The following EML4 variants were observed in gnomAD, a reference collection of about 807,000 sequenced individuals.
The protein encoded by EML4 is echinoderm microtubule-associated protein-like 4.
EML4 carries 72 observed loss-of-function variants against 129.0 expected under a neutral mutation model. That is an observed-to-expected ratio of 0.56 (90% confidence interval 0.46 to 0.68). The LOEUF is 0.68. Among genes scored for constraint, EML4 ranks in the 30% least tolerant of loss-of-function variants. The pLI is 0.00. For synonymous variants in EML4, 532 were observed against 405.0 expected (o/e 1.31, Z -3.77); for missense variants, 1,363 against 1,190.6 (o/e 1.14, Z -2.13).
At chr2:42,327,968 A>G (rs1451583958) in intron 21 of EML4, among the ~76,000 whole-genome samples, 5 of 152,342 alleles carry the variant, frequency 3.3e-5, no homozygotes, top group South Asian at 2.1e-4. Context: ...CACAAGTGCT[A>G]TCAAGACAGA....
chr2:42,264,146 C>T (rs1182938463), intron 5 of EML4, among the ~76,000 whole-genome samples: 1 of 120,350 alleles, frequency 8.3e-6, no homozygotes, highest in African/African-American at 3.0e-5. Flanking sequence ...GTGTCTCAGT[C>T]GTCCAGGCTG....
chr2:42,233,430 C>G (rs902061754), intron 1 of EML4, among the ~76,000 whole-genome samples: 1 of 151,766 alleles, frequency 6.6e-6, no homozygotes. Context: ...CTCAGCCTCC[C>G]CAGTAGCTGG....
intron 1 of EML4, among the ~76,000 whole-genome samples, chr2:42,177,629 GCAAA>G (rs1342767759): frequency 1.3e-5 from 2 of 152,040 alleles, no homozygotes; most frequent in East Asian, 1.9e-4. Flanking sequence ...TCTCAAACAA[GCAAA>G]CAGACAAACA....
intron 19 of EML4, chr2:42,319,703 A>T (rs1261878675): frequency 2.0e-5 from 3 of 152,204 alleles, no homozygotes; most frequent in African/African-American, 7.2e-5. Context: ...TAATTTTATT[A>T]TCTTAAAACT....
chr2:42,235,656 C>A (rs1674626033), intron 1 of EML4, among the ~76,000 whole-genome samples: 1 of 152,106 alleles, frequency 6.6e-6, no homozygotes, highest in Admixed American at 6.5e-5. Flanking sequence ...AATTTTTTAA[C>A]AACTTATTTG....
chr2:42,178,002 G>C (rs1038235741), intron 1 of EML4, among the ~76,000 whole-genome samples: 5 of 152,162 alleles, frequency 3.3e-5, no homozygotes, highest in Admixed American at 3.3e-4. Context: ...TGAGAGAATA[G>C]GTGGAAAGGT....
intron 1 of EML4, among the ~76,000 whole-genome samples, chr2:42,227,035 C>G (rs1025907560): frequency 1.3e-5 from 2 of 152,142 alleles, no homozygotes; most frequent in African/African-American, 4.8e-5. Context: ...TTTGTTGAGC[C>G]TTGTACTGAA....
chr2:42,252,349 A>G (rs1287924987), intron 2 of EML4, among the ~76,000 whole-genome samples: 2 of 152,172 alleles, frequency 1.3e-5, no homozygotes, highest in African/African-American at 4.8e-5. Flanking sequence ...TGGCATTATG[A>G]TGGTTTCCAC....
intron 2 of EML4, among the ~76,000 whole-genome samples, chr2:42,245,981 A>G (rs1313879488): frequency 6.6e-6 from 1 of 152,180 alleles, no homozygotes; most frequent in African/African-American, 2.4e-5. Flanking sequence ...GAACTGAATC[A>G]TCGTTTTGTG....
intron 1 of EML4, among the ~76,000 whole-genome samples, chr2:42,180,880 T>A (rs865799923): frequency 6.6e-6 from 1 of 152,240 alleles, no homozygotes; most frequent in Admixed American, 6.5e-5. Context: ...AACAGTTCCT[T>A]AGTCTTCCTT....
intron 2 of EML4, among the ~76,000 whole-genome samples, chr2:42,247,007 A>C (rs1160313766): frequency 3.3e-5 from 5 of 152,248 alleles, no homozygotes. Flanking sequence ...CTCTCAAAAA[A>C]TTCACCTGAG....
intron 1 of EML4, among the ~76,000 whole-genome samples, chr2:42,212,647 AC>A (rs1186594231): frequency 6.6e-6 from 1 of 152,182 alleles, no homozygotes; most frequent in Non-Finnish European, 1.5e-5. Flanking sequence ...ATGGCATGAC[AC>A]CCACAGATAC....
chr2:42,229,069 C>T (rs2218104), intron 1 of EML4, among the ~76,000 whole-genome samples: 97,972 of 151,874 alleles, frequency 0.65, 32,085 homozygotes, highest in East Asian at 0.74. Flanking sequence ...AAACTTTGAT[C>T]GTGTACCCTA....
intron 1 of EML4, among the ~76,000 whole-genome samples, chr2:42,194,072 T>G (rs1190150906): frequency 1.3e-5 from 2 of 152,214 alleles, no homozygotes; most frequent in African/African-American, 4.8e-5. Context: ...GTAATTCATG[T>G]TTGCTCATTT....
At chr2:42,321,671 G>A (rs920667052) in intron 19 of EML4, among the ~76,000 whole-genome samples, 1 of 152,186 alleles carries the variant, frequency 6.6e-6, no homozygotes. Context: ...CTTCAAAGGA[G>A]CTGGGAAATA....
At chr2:42,183,555 A>G (rs892016656) in intron 1 of EML4, among the ~76,000 whole-genome samples, 2 of 152,178 alleles carry the variant, frequency 1.3e-5, no homozygotes, top group African/African-American at 4.8e-5. Context: ...TAGTCACTGT[A>G]TCTGATTTTG....
At chr2:42,214,367 A>C (rs1432415710) in intron 1 of EML4, among the ~76,000 whole-genome samples, 1 of 152,212 alleles carries the variant, frequency 6.6e-6, no homozygotes, top group Non-Finnish European at 1.5e-5. Context: ...TAGGCTAGGC[A>C]GTTATTCCCA....
At chr2:42,255,464 A>G (rs1035978209) in intron 2 of EML4, among the ~76,000 whole-genome samples, 5 of 152,198 alleles carry the variant, frequency 3.3e-5, no homozygotes, top group Non-Finnish European at 5.9e-5. Flanking sequence ...CATTGTGAAT[A>G]TACTAATTGT....
At chr2:42,271,152 C>G (rs796327897) in intron 6 of EML4, among the ~76,000 whole-genome samples, 8 of 152,340 alleles carry the variant, frequency 5.3e-5, no homozygotes, top group African/African-American at 1.9e-4. Context: ...CTTCAGCCTT[C>G]CAGAATGCTG....
Sources: gnomAD v4.1 joint callset for allele counts (sites outside exome capture counted in the v4.1 genomes callset) on GRCh38, gnomAD v4.1.1 for gene constraint, MANE v1.5 for transcripts, NCBI Gene and HGNC (gene_info 2026-07-23, HGNC 2026-07-21) for gene names.